The following HMX1 variants were observed in gnomAD, a reference collection of about 807,000 sequenced individuals.
HMX1 encodes homeobox protein HMX1.
A neutral mutation model predicts 8.9 loss-of-function variants in HMX1; 8 were observed. The observed-to-expected ratio is 0.90, with a 90% confidence interval of 0.53 to 1.63. HMX1 has a LOEUF of 1.63. HMX1 is among the 40% of genes most tolerant of loss of function. HMX1 has a pLI of 0.00. For missense variants in HMX1, 621 were observed against 558.5 expected (o/e 1.11, Z -1.13); for synonymous variants, 311 against 283.4 (o/e 1.10, Z -0.98).
chr4:8,858,541 T>G (rs10046938), intron 1 of HMX1, among the ~76,000 whole-genome samples: 140,703 of 152,226 alleles, frequency 0.92, 65,171 homozygotes, highest in African/African-American at 0.94. Flanking sequence ...CTAGGTCCAT[T>G]CGGGAGAGAG....
At chr4:8,851,245 G>C (rs777475171) in intron 1 of HMX1, among the ~76,000 whole-genome samples, 5 of 152,194 alleles carry the variant, frequency 3.3e-5, no homozygotes, top group African/African-American at 4.8e-5. Context: ...GGTCTTCGTG[G>C]CAGAACAGAA....
Position 8,867,615 on chromosome 4 carries a change from T to C in HMX1, c.*78A>G. On this transcript the variant is annotated 3_prime_UTR_variant, in exon 2 of 2. Transcript: ENST00000400677. ...CGACCATCCCTTCCCTAACGCCCCC[T>C]GAGCCCTGCGCCTGCCGCTGAATCG... 1 of 1,196,466 alleles carries C rather than the reference T, an allele frequency of 8.4e-7. No homozygotes were observed. 74.1% of individuals were successfully genotyped at this position (1,196,466 alleles called of 1,614,324 possible).
At chr4:8,855,710 G>A (rs1017343033) in intron 1 of HMX1, among the ~76,000 whole-genome samples, 1 of 152,174 alleles carries the variant, frequency 6.6e-6, no homozygotes. Context: ...AACCGGGAGT[G>A]AAATGTGACC....
downstream of HMX1, among the ~76,000 whole-genome samples, chr4:8,863,992 C>T (rs954490803): frequency 6.6e-6 from 1 of 152,186 alleles, no homozygotes; most frequent in Non-Finnish European, 1.5e-5. Context: ...TCCCAGATGC[C>T]CAACACTGGG....
At chr4:8,852,629 A>G (rs1721490240) in intron 1 of HMX1, among the ~76,000 whole-genome samples, 1 of 152,204 alleles carries the variant, frequency 6.6e-6, no homozygotes, top group Non-Finnish European at 1.5e-5. Flanking sequence ...GCTGGGGAAG[A>G]ACCAGGTCAC....
At chr4:8,851,003 G>A (rs1721431911) in intron 1 of HMX1, among the ~76,000 whole-genome samples, 3 of 152,262 alleles carry the variant, frequency 2.0e-5, no homozygotes, top group Admixed American at 6.5e-5. Context: ...CTGGGTCTTC[G>A]TGCCTAGCAC....
intron 1 of HMX1, among the ~76,000 whole-genome samples, chr4:8,858,481 G>A (rs1173486938): frequency 2.6e-5 from 4 of 152,202 alleles, no homozygotes; most frequent in Admixed American, 6.5e-5. Context: ...ACTAGCCAGA[G>A]CCCCAAGACC....
downstream of HMX1, among the ~76,000 whole-genome samples, chr4:8,864,927 T>C (rs1257661266): frequency 6.6e-6 from 1 of 152,188 alleles, no homozygotes; most frequent in Non-Finnish European, 1.5e-5. Flanking sequence ...ATCCACTCTC[T>C]CCAAATCTAC....
At chr4:8,858,158 T>A (rs1049417091) in intron 1 of HMX1, among the ~76,000 whole-genome samples, 1 of 151,750 alleles carries the variant, frequency 6.6e-6, no homozygotes, top group African/African-American at 2.4e-5. Flanking sequence ...GGAAATGGAT[T>A]TTCGCGATTT....
In HMX1 at chr4:8,848,778, C is replaced by G. The variant is rs1721349014; in HGVS notation, c.395-2454G>C. On this transcript the variant is annotated intron_variant, in intron 1 of 1. Coordinates refer to the HMX1 transcript ENST00000506970. The surrounding 1 kb of genome is among the most constrained non-coding windows in gnomAD (Gnocchi z 4.1). ...CAGAAGATTACCCCAGGGCAAGTAGCAAGGAGACATCATAAGGGCTTTTCC... is the reference window on the plus strand; with the variant it reads ...CAGAAGATTACCCCAGGGCAAGTAGGAAGGAGACATCATAAGGGCTTTTCC... 6.6e-6 allele frequency among the ~76,000 whole-genome samples: 1 copy of G among 152,212 alleles called. No individual in the cohort carries two copies. The highest frequency in any genetic ancestry group is 2.4e-5 in the African/African-American group (1 of 41,446).
intron 1 of HMX1, chr4:8,860,875 T>C (rs999616195): frequency 4.0e-5 from 6 of 148,246 alleles, no homozygotes; most frequent in Admixed American, 2.7e-4. Context: ...GAGCGAGAAG[T>C]GGCGAGGTGA....
chr4:8,858,835 G>T (rs1480807100), intron 1 of HMX1: 7 of 152,508 alleles, frequency 4.6e-5, no homozygotes, highest in East Asian at 1.9e-4. Context: ...GTCCTGGGGG[G>T]ACACTGGGGT....
At chr4:8,856,459 G>T (rs975023194) in intron 1 of HMX1, among the ~76,000 whole-genome samples, 1 of 152,110 alleles carries the variant, frequency 6.6e-6, no homozygotes, top group Non-Finnish European at 1.5e-5. Flanking sequence ...TACAAATGAA[G>T]ACTAGGAGGA....
chr4:8,867,652 A>G lies in HMX1; in HGVS notation c.*41T>C, dbSNP rs1722048683. The G allele has an allele frequency of 3.3e-6, 4 of 1,220,440 alleles. No homozygotes were observed. Among genetic ancestry groups the G allele is most frequent in the Admixed American group, 4.3e-5 (1 of 23,206 alleles). The allele number at this position is 1,220,440 out of a possible 1,614,324, so 75.6% of individuals were successfully genotyped here. Reference sequence around the variant, plus strand: ...CTGCCGCTGAATCGCGCGTCCACACAGGTCCACAGGGTCGTGGGGAGAGGG... The same window carrying G: ...CTGCCGCTGAATCGCGCGTCCACACGGGTCCACAGGGTCGTGGGGAGAGGG... On this transcript the variant is annotated 3_prime_UTR_variant, in exon 2 of 2. Coordinates refer to ENST00000400677, the MANE Select transcript of HMX1 (RefSeq NM_018942.3).
At position 8,850,462 on chromosome 4, in the gene HMX1, G is replaced by T. The variant is rs907957015; in HGVS notation, c.395-4138C>A. ...CCCTTACCCTGACCTCGGGCTGCAG[G>T]ATTAAGCCCAGGCTCCTGGCTGGGG... On this transcript the variant is annotated intron_variant, in intron 1 of 1. Coordinates refer to the HMX1 transcript ENST00000506970. 3.9e-5 allele frequency among the ~76,000 whole-genome samples: 6 copies of T among 152,180 alleles called. No individual in the cohort carries two copies. The East Asian group carries it at 1.2e-3, about 29-fold the overall frequency.
downstream of HMX1, chr4:8,866,976 G>T: frequency 1.4e-6 from 1 of 737,626 alleles, no homozygotes; most frequent in Non-Finnish European, 1.7e-6. Context: ...ACTGAAAGGT[G>T]CTCCCAGGAG....
intron 1 of HMX1, among the ~76,000 whole-genome samples, chr4:8,856,278 G>A (rs1323645085): frequency 6.6e-6 from 1 of 152,192 alleles, no homozygotes; most frequent in Non-Finnish European, 1.5e-5. Context: ...TCAAGCAATC[G>A]TGGCAGAAGC....
chr4:8,863,536 G>A (rs1468631466), downstream of HMX1, among the ~76,000 whole-genome samples: 1 of 152,262 alleles, frequency 6.6e-6, no homozygotes, highest in Non-Finnish European at 1.5e-5. Flanking sequence ...CACCTGATGA[G>A]GATCTTCTCA....
Position 8,868,432 on chromosome 4 carries a change from T to C in HMX1, c.395-87A>G. 1 of 1,057,146 alleles carries C rather than the reference T, an allele frequency of 9.5e-7. No individual in the cohort carries two copies. Among genetic ancestry groups the C allele is most frequent in the Non-Finnish European group, 1.2e-6 (1 of 822,336 alleles). 65.5% of individuals were successfully genotyped at this position (1,057,146 alleles called of 1,614,324 possible). On this transcript the variant is annotated intron_variant, in intron 1 of 1. Coordinates refer to ENST00000400677, the MANE Select transcript of HMX1 (RefSeq NM_018942.3). This position sits in a 1 kb window ranked among gnomAD's most constrained non-coding sequence, Gnocchi z 4.6. ...GAGGCCAGCCGTCCCCACCTTGAGG[T>C]CGCTCACAGCCACAAGCAGGAAGAC...
Sources: gnomAD v4.1 joint callset for allele counts (sites outside exome capture counted in the v4.1 genomes callset) on GRCh38, gnomAD v4.1.1 for gene constraint, Gnocchi (gnomAD v3.1) non-coding constraint, MANE v1.5 for transcripts, NCBI Gene and HGNC (gene_info 2026-07-23, HGNC 2026-07-21) for gene names.